PTGES3: variants seen among roughly 807,000 people sequenced by gnomAD.
The protein encoded by PTGES3 is prostaglandin E synthase 3, also known as Hsp90 co-chaperone.
In PTGES3, 5 loss-of-function variants were observed where a neutral mutation model predicts 29.9. The observed-to-expected ratio is 0.17, with a 90% CI of 0.09 to 0.35. The LOEUF is 0.35. Ranked by LOEUF, PTGES3 falls within the 10% of genes least tolerant of loss-of-function variation. PTGES3 has a pLI of 1.00. For missense variants in PTGES3, 128 were observed against 190.0 expected (o/e 0.67, Z 1.92); for synonymous variants, 49 against 57.8 (o/e 0.85, Z 0.69).
chr12:56,675,004 C>CAAAAAAAAA (rs1177350725), intron 1 of PTGES3, among the ~76,000 whole-genome samples: 5 of 32,354 alleles, frequency 1.5e-4, no homozygotes, highest in Admixed American at 6.0e-4. Flanking sequence ...AACTCGGTCT[C>CAAAAAAAAA]AAAAAAAAAA....
chr12:56,685,110 A>AC (rs1952761434), intron 1 of PTGES3, among the ~76,000 whole-genome samples: 1 of 151,636 alleles, frequency 6.6e-6, no homozygotes. Context: ...TCTCCAAAAA[A>AC]AACACTTTTA....
rs1268835858 is a variant in PTGES3 at position 56,671,777 on chromosome 12, C to T, written c.257G>A (p.Trp86Ter). 1 of 1,569,176 alleles carries T rather than the reference C, an allele frequency of 6.4e-7. No individual in the cohort carries two copies. Among genetic ancestry groups the T allele is most frequent in the Non-Finnish European group, 8.6e-7 (1 of 1,157,014 alleles). Residue 86 changes from tryptophan (W) to a stop codon, truncating the protein, a stop_gained, in exon 4 of 8, where the codon TGG (tryptophan) becomes TAG (stop). Transcript: ENST00000262033. LOFTEE classifies it high-confidence loss of function. Reference sequence around the variant, plus strand: ...TGCCCTTTCTTTTGTTAACCTTGGCCATGACTGGCCAGATTCTCCTTTTCG... The same window carrying T: ...TGCCCTTTCTTTTGTTAACCTTGGCTATGACTGGCCAGATTCTCCTTTTCG... ...CLRKGESGQS[W>*]PRLTKERAKL...
Position 56,673,052 on chromosome 12 carries a change from C to CAGA in PTGES3, c.13_15dup (p.Ser5dup), listed in dbSNP as rs1952069477. ...TAGTCCCTTCGATCGTACCACTTTGCAGAAGCAGGCTGCCTACAAAAGGAT... is the reference window on the plus strand; with the variant it reads ...TAGTCCCTTCGATCGTACCACTTTGCAGAAGAAGCAGGCTGCCTACAAAAGGAT... On this transcript the variant is annotated inframe_insertion, in exon 2 of 8. Coordinates refer to ENST00000262033, the MANE Select transcript of PTGES3 (RefSeq NM_006601.7). The CAGA allele has an allele frequency of 6.2e-7, 1 of 1,602,352 alleles. No individual in the cohort carries two copies. The highest frequency in any genetic ancestry group is 1.7e-4 in the Middle Eastern group (1 of 6,052).
intron 1 of PTGES3, among the ~76,000 whole-genome samples, chr12:56,677,801 ATAGTTTGCT>A (rs1325950127): frequency 1.3e-5 from 2 of 152,104 alleles, no homozygotes; most frequent in African/African-American, 2.4e-5. Flanking sequence ...CCTGAAACTA[ATAGTTTGCT>A]TAGTGTCTTG....
At chr12:56,669,775 A>C (rs1455280556) in intron 5 of PTGES3, among the ~76,000 whole-genome samples, 1 of 151,598 alleles carries the variant, frequency 6.6e-6, no homozygotes, top group Non-Finnish European at 1.5e-5. Flanking sequence ...ATGCCCAGCT[A>C]ATTTTTTTTG....
chr12:56,671,788 A>G lies in PTGES3; in HGVS notation c.246T>C (p.Ser82=), dbSNP rs1317894193. The part of the protein sequence containing the change: ...SILCCLRKGE[S]GQSWPRLTKE... ...TTGTTAACCTTGGCCATGACTGGCC[A>G]GATTCTCCTTTTCGTAAACAACATA... The change falls in exon 4 of 8, where the codon TCT becomes TCC. Residue 82 remains serine, a synonymous_variant. Coordinates refer to ENST00000262033, the MANE Select transcript of PTGES3 (RefSeq NM_006601.7). 1.3e-6 allele frequency: 2 copies of G among 1,577,476 alleles called. No individual in the cohort carries two copies. The highest frequency in any genetic ancestry group is 1.7e-6 in the Non-Finnish European group (2 of 1,160,824).
At chr12:56,686,569 G>A (rs895026834) in intron 1 of PTGES3, among the ~76,000 whole-genome samples, 2 of 151,984 alleles carry the variant, frequency 1.3e-5, no homozygotes, top group African/African-American at 4.8e-5. Flanking sequence ...CAGCGACGCG[G>A]TTTCTCCATG....
At chr12:56,666,401 C>T in intron 5 of PTGES3, 135 bp from the exon 6 acceptor site, 1 of 1,104,172 alleles carries the variant, frequency 9.1e-7, no homozygotes, top group Non-Finnish European at 1.2e-6. Context: ...AAGCATCTTT[C>T]CCTTCTGGAA....
intron 1 of PTGES3, chr12:56,687,785 GAAC>G: frequency 7.2e-7 from 1 of 1,386,742 alleles, no homozygotes; most frequent in Non-Finnish European, 9.3e-7. Context: ...GGAAGCCAAG[GAAC>G]GGTTCAGGGG....
chr12:56,681,594 A>C (rs1952546561), intron 1 of PTGES3, among the ~76,000 whole-genome samples: 1 of 149,272 alleles, frequency 6.7e-6, no homozygotes, highest in Non-Finnish European at 1.5e-5. Flanking sequence ...CATGCCTGTA[A>C]TCCCAGCACT....
At chr12:56,672,230 G>A (rs746609634) in intron 3 of PTGES3, among the ~76,000 whole-genome samples, 8 of 152,162 alleles carry the variant, frequency 5.3e-5, no homozygotes, top group African/African-American at 1.4e-4. Flanking sequence ...TTGGCCGGGC[G>A]CAGTGGCTCA....
chr12:56,678,969 C>G (rs551025961), intron 1 of PTGES3, among the ~76,000 whole-genome samples: 2 of 151,774 alleles, frequency 1.3e-5, no homozygotes, highest in East Asian at 3.9e-4. Context: ...AGAAAAAAAT[C>G]GCTGGCCATG....
chr12:56,671,561 C>T (rs567937756), intron 4 of PTGES3, among the ~76,000 whole-genome samples, 188 bp downstream of exon 4: 1 of 152,266 alleles, frequency 6.6e-6, no homozygotes, highest in Admixed American at 6.5e-5. Context: ...AAAGATTCTA[C>T]ACCAGTTAAT....
chr12:56,682,721 G>GAAAAAAAAAAAAAAAA (rs754040277), intron 1 of PTGES3, among the ~76,000 whole-genome samples: 1 of 114,292 alleles, frequency 8.7e-6, no homozygotes, highest in Non-Finnish European at 1.7e-5. Context: ...CCATTTAAAA[G>GAAAAAAAAAAAAAAAA]AAAAAAAAAA....
chr12:56,672,870 T>G, intron 2 of PTGES3, 61 bp from the exon 3 acceptor site: 1 of 1,549,550 alleles, frequency 6.5e-7, no homozygotes, highest in East Asian at 2.3e-5. Context: ...TAATAATAAC[T>G]TCAATGAAAA....
At chr12:56,685,033 G>C (rs889781302) in intron 1 of PTGES3, among the ~76,000 whole-genome samples, 1 of 152,074 alleles carries the variant, frequency 6.6e-6, no homozygotes, top group Non-Finnish European at 1.5e-5. Flanking sequence ...AGGCAAGGAG[G>C]ATCGCTTGAG....
In PTGES3 at chr12:56,663,973, G is replaced by A. The variant is rs1951700634; in HGVS notation, c.*506C>T. The A allele has an allele frequency of 1.3e-5, 2 of 154,028 alleles. No individual in the cohort carries two copies. The highest frequency in any genetic ancestry group is 6.5e-5 in the Admixed American group (1 of 15,286). The allele number at this position is 154,028 out of a possible 1,614,324, so 9.5% of individuals were successfully genotyped here. ...CATCACTTACATAGAATAATGTGAAGTAAATTTTTTGAAAAATAAATTTTA... is the reference window on the plus strand; with the variant it reads ...CATCACTTACATAGAATAATGTGAAATAAATTTTTTGAAAAATAAATTTTA... On this transcript the variant is annotated 3_prime_UTR_variant, in exon 8 of 8. Coordinates refer to ENST00000262033, the MANE Select transcript of PTGES3 (RefSeq NM_006601.7).
intron 1 of PTGES3, among the ~76,000 whole-genome samples, chr12:56,682,195 G>A (rs1395255208): frequency 6.6e-6 from 1 of 152,136 alleles, no homozygotes; most frequent in Non-Finnish European, 1.5e-5. Flanking sequence ...ATGAGCACCT[G>A]AGGCACAGAA....
At chr12:56,671,127 C>T (rs548351168) in intron 4 of PTGES3, among the ~76,000 whole-genome samples, 84 of 152,102 alleles carry the variant, frequency 5.5e-4, no homozygotes, top group Admixed American at 1.6e-3. Flanking sequence ...AGGCTGGTGT[C>T]GTGGCTCATG....
Sources: allele counts gnomAD v4.1 joint callset (sites outside exome capture counted in the v4.1 genomes callset), GRCh38; gene constraint gnomAD v4.1.1; transcripts MANE v1.5; gene names NCBI Gene and HGNC (gene_info 2026-07-23, HGNC 2026-07-21).